The following ACTR8 variants were observed in gnomAD, a reference collection of about 807,000 sequenced individuals.
ACTR8 encodes actin related protein 8, also known as actin-related protein 8.
In ACTR8, 70 loss-of-function variants were observed where a neutral mutation model predicts 84.3. The ratio of observed to expected loss-of-function variants is 0.83; its 90% confidence interval spans 0.68 to 1.01. ACTR8 has a LOEUF of 1.01. ACTR8 is among the 50% of genes least tolerant of loss of function. The pLI is 0.00. For missense variants in ACTR8, 672 were observed against 775.4 expected, an observed-to-expected ratio of 0.87 and a Z score of 1.58; for synonymous variants, 268 against 275.2, an observed-to-expected ratio of 0.97 and a Z score of 0.26.
chr3:53,881,884 A>AG, intron 1 of ACTR8, 95 bp downstream of exon 1: 3 of 1,527,792 alleles, frequency 2.0e-6, no homozygotes, highest in Non-Finnish European at 2.6e-6. Context: ...GGGGCCTGCA[A>AG]GGGGGACTCG....
Position 53,870,666 on chromosome 3 carries a change from C to A in ACTR8, c.1568-521G>T, listed in dbSNP as rs967674739. Among the ~76,000 whole-genome samples, 3 of 150,818 alleles carry A rather than the reference C, an allele frequency of 2.0e-5. No individual in the cohort carries two copies. Among genetic ancestry groups the A allele is most frequent in the Non-Finnish European group, 4.4e-5 (3 of 67,534 alleles). On this transcript the variant is annotated intron_variant, in intron 11 of 12. Transcript: ENST00000335754. This position sits in a 1 kb window ranked among gnomAD's most constrained non-coding sequence, Gnocchi z 4.1. The stretch of plus-strand genomic sequence containing the variant: ...ACTCTGAAAAATAAATAAATAAAAT[C>A]TTTAAAGGGACCCACAAGATCCACT...
chr3:53,859,085 A>T, the ACTR8 span: 7 of 337,232 alleles, frequency 2.1e-5, no homozygotes, highest in Non-Finnish European at 3.2e-5. Flanking sequence ...TGCAAAATGG[A>T]TGTTCTGAGT....
chr3:53,859,978 C>T, the ACTR8 span: 1 of 572,368 alleles, frequency 1.7e-6, no homozygotes. Context: ...CCACTGCACT[C>T]CAGCCTAGGC....
the ACTR8 span, chr3:53,860,319 GT>G: frequency 9.7e-7 from 1 of 1,031,894 alleles, no homozygotes; most frequent in South Asian, 1.4e-5. Flanking sequence ...GCAATCACAT[GT>G]TGGCGTTTCC....
chr3:53,875,929 C>T lies in ACTR8; in HGVS notation c.911+19G>A. 3.1e-6 allele frequency: 5 copies of T among 1,613,868 alleles called. No individual in the cohort carries two copies. The highest frequency in any genetic ancestry group is 4.2e-6 in the Non-Finnish European group (5 of 1,179,842). ...TGAGGGAAGAGGAAACAGGGAATGCCACCTTCCAAGTTCCTTACCGAGTAT... is the reference window on the plus strand; with the variant it reads ...TGAGGGAAGAGGAAACAGGGAATGCTACCTTCCAAGTTCCTTACCGAGTAT... On this transcript the variant is annotated intron_variant, in intron 7 of 12. Transcript: ENST00000335754.
rs1186550752 is a variant in ACTR8, at chr3:53,882,094, T to G, written c.8A>C (p.Gln3Pro). 3 of 1,551,398 alleles carry G rather than the reference T, an allele frequency of 1.9e-6. No homozygotes were observed. The African/African-American group carries it at 4.1e-5, about 21-fold the overall frequency. Residue 3 changes from glutamine to proline, a missense_variant, in exon 1 of 13, where the codon CAG becomes CCG. Physicochemically the swap from Gln to Pro is moderately conservative, Grantham distance 76. Coordinates refer to ENST00000335754, the MANE Select transcript of ACTR8 (RefSeq NM_022899.5). Reference protein sequence around the residue: MTQAEKGDTENGK... With the variant: MTPAEKGDTENGK... ...GTTCTCCGTATCACCCTTCTCAGCC[T>G]GGGTCATTATGGCCGGAGACACCCA...
Position 53,870,327 on chromosome 3 carries a change from ACCGCAAT to A in ACTR8, c.1568-189_1568-183del. ...ACAAATGTAGGCATGTTGCCACGCC[ACCGCAAT>A]CCTACTTGCAGGATTAGGATCAAAA... On this transcript the variant is annotated intron_variant, in intron 11 of 12. Coordinates refer to ENST00000335754, the MANE Select transcript of ACTR8 (RefSeq NM_022899.5). This position sits in a 1 kb window ranked among gnomAD's most constrained non-coding sequence, Gnocchi z 4.1. 9.3e-6 allele frequency: 6 copies of A among 642,542 alleles called. No homozygotes were observed. The highest frequency in any genetic ancestry group is 1.6e-5 in the Non-Finnish European group (6 of 375,890). The allele number at this position is 642,542 out of a possible 1,614,324, so 39.8% of individuals were successfully genotyped here.
chr3:53,868,817 C>G lies in ACTR8; in HGVS notation c.1777G>C (p.Ala593Pro), dbSNP rs780699962. ...LIAWKGGAVL[A>P]CLDTTQELWI... ...AGTTCCTGTGTTGTATCCAAACAAG[C>G]CAACACTGCCCCTCCTTTCCATGCA... Residue 593 changes from alanine to proline, a missense_variant, in exon 13 of 13, where the codon GCT becomes CCT. Ala to Pro is a conservative substitution (Grantham distance 27). Transcript: ENST00000335754. 3 of 1,614,072 alleles carry G rather than the reference C, an allele frequency of 1.9e-6. No homozygotes were observed. The highest frequency in any genetic ancestry group is 2.5e-6 in the Non-Finnish European group (3 of 1,180,040).
chr3:53,876,765 A>T, intron 5 of ACTR8, 52 bp from the exon 6 acceptor site: 2 of 928,058 alleles, frequency 2.2e-6, no homozygotes, highest in Non-Finnish European at 3.3e-6. Flanking sequence ...TAGTCAGGTC[A>T]AATTCACACT....
Position 53,878,395 on chromosome 3 carries a change from A to AC in ACTR8, c.366dup (p.Ser123ValfsTer12), listed in dbSNP as rs777618517. 1.2e-6 allele frequency: 2 copies of AC among 1,613,552 alleles called. No homozygotes were observed. The highest frequency in any genetic ancestry group is 1.7e-5 in the Admixed American group (1 of 59,876). ...ACAGGAATGCGTCTTGTACCATTGG[A>AC]CATCTTTTTAGACCATATTGCTTGA... On this transcript the variant is annotated frameshift_variant, in exon 3 of 13. Transcript: ENST00000335754. LOFTEE classifies it high-confidence loss of function.
the ACTR8 span, chr3:53,861,667 T>C: frequency 1.3e-5 from 2 of 152,126 alleles, no homozygotes; most frequent in Non-Finnish European, 2.9e-5. Context: ...CAGTAAAGGA[T>C]GGTTTGATAA....
downstream of ACTR8, among the ~76,000 whole-genome samples, chr3:53,864,487 G>A (rs1699702320): frequency 6.6e-6 from 1 of 152,006 alleles, no homozygotes; most frequent in South Asian, 2.1e-4. Flanking sequence ...GTCAGCCGAG[G>A]TCACGCCACT....
At chr3:53,865,542 A>G, downstream of ACTR8, 1 of 483,396 alleles carries the variant, frequency 2.1e-6, no homozygotes, top group Admixed American at 3.7e-5. Flanking sequence ...TTACAGTTTT[A>G]ATTGAAAACT....
At chr3:53,873,173 G>A in intron 8 of ACTR8, 46 bp from the exon 9 acceptor site, 3 of 1,454,850 alleles carry the variant, frequency 2.1e-6, no homozygotes, top group East Asian at 2.3e-5. Context: ...AAGAATGCAT[G>A]TAAACTCTTC....
intron 8 of ACTR8, 128 bp downstream of exon 8, chr3:53,874,083 C>CA: frequency 1.0e-6 from 1 of 957,500 alleles, no homozygotes; most frequent in East Asian, 3.4e-5. Context: ...CTCGGCCTCC[C>CA]AAAGTGCTGG....
chr3:53,875,678 C>G (rs1699954225), intron 7 of ACTR8, among the ~76,000 whole-genome samples: 1 of 152,218 alleles, frequency 6.6e-6, no homozygotes, highest in Non-Finnish European at 1.5e-5. Context: ...GTTTACGTTT[C>G]CCCTATGGGA....
chr3:53,873,986 G>T (rs968590280), intron 8 of ACTR8, among the ~76,000 whole-genome samples: 1 of 151,954 alleles, frequency 6.6e-6, no homozygotes, highest in East Asian at 1.9e-4. Flanking sequence ...CACCACGCCC[G>T]GCTAATTTTT....
chr3:53,877,572 G>A (rs113644736), intron 4 of ACTR8, 75 bp downstream of exon 4: 13 of 1,474,540 alleles, frequency 8.8e-6, no homozygotes, highest in African/African-American at 8.4e-5. Context: ...ACTAGGACTG[G>A]GTGGCAACGT....
chr3:53,871,152 A>C lies in ACTR8; in HGVS notation c.1567+80T>G, dbSNP rs566643053. 64 of 1,535,006 alleles carry C rather than the reference A, an allele frequency of 4.2e-5. No individual in the cohort carries two copies. In the East Asian group the frequency reaches 1.4e-3, roughly 33 times the overall value. On this transcript the variant is annotated intron_variant, in intron 11 of 12. Coordinates refer to ENST00000335754, the MANE Select transcript of ACTR8 (RefSeq NM_022899.5). ...TTCAATGAATATGTTATACTGCACAAGTATATCCTAGACTGAACCAATTTA... is the reference window on the plus strand; with the variant it reads ...TTCAATGAATATGTTATACTGCACACGTATATCCTAGACTGAACCAATTTA...
Sources: gnomAD v4.1 joint callset for allele counts (sites outside exome capture counted in the v4.1 genomes callset) on GRCh38, gnomAD v4.1.1 for gene constraint, Gnocchi (gnomAD v3.1) non-coding constraint, MANE v1.5 for transcripts, NCBI Gene and HGNC (gene_info 2026-07-23, HGNC 2026-07-21) for gene names.